PIK3C2G: variants seen among roughly 807,000 people sequenced by gnomAD.
The protein encoded by PIK3C2G is phosphatidylinositol-4-phosphate 3-kinase catalytic subunit type 2 gamma.
PIK3C2G carries 168 observed loss-of-function variants against 181.1 expected under a neutral mutation model. The ratio of observed to expected loss-of-function variants is 0.93; its 90% CI spans 0.82 to 1.05. PIK3C2G has a LOEUF of 1.05. Ranked by LOEUF, PIK3C2G falls within the 50% of genes least tolerant of loss-of-function variation. The probability of loss-of-function intolerance (pLI) is 0.00; values close to 1 mark genes in which losing one functional copy is unlikely to be tolerated. For synonymous variants in PIK3C2G, 573 were observed against 592.2 expected, an observed-to-expected ratio of 0.97 and a Z score of 0.47; for missense variants, 1,869 against 1,732.8, an observed-to-expected ratio of 1.08 and a Z score of -1.40.
chr12:18,697,211 C>T, the PIK3C2G span, among the ~76,000 whole-genome samples: 2 of 151,992 alleles, frequency 1.3e-5, no homozygotes, highest in Non-Finnish European at 2.9e-5. Flanking sequence ...ATTTGCTAAA[C>T]CAACTAGAAT....
At chr12:18,383,107 A>C (rs1942946850) in intron 14 of PIK3C2G, among the ~76,000 whole-genome samples, 1 of 152,236 alleles carries the variant, frequency 6.6e-6, no homozygotes, top group African/African-American at 2.4e-5. Context: ...AAAGATAAAT[A>C]TATCCATGAA....
intron 29 of PIK3C2G, 88 bp downstream of exon 29, chr12:18,567,145 G>C (rs1231063014): frequency 2.9e-6 from 2 of 680,938 alleles, no homozygotes; most frequent in Middle Eastern, 4.0e-4. Context: ...TGTCTGTAAT[G>C]CCAGTACTTT....
chr12:18,683,826 T>C, the PIK3C2G span, among the ~76,000 whole-genome samples: 4 of 151,942 alleles, frequency 2.6e-5, no homozygotes, highest in African/African-American at 9.7e-5. Flanking sequence ...CCACCCATCA[T>C]CATTTCTTTA....
At position 18,594,915 on chromosome 12, in the gene PIK3C2G, T is replaced by C. The variant is rs182438924; in HGVS notation, c.4087+346T>C. On this transcript the variant is annotated intron_variant, in intron 30 of 32. Transcript: ENST00000538779. ...ATTATAATATTATTTCTTTGAAAGG[T>C]GTTTTGAAATACATTTGCACACATT... is the stretch of plus-strand genomic sequence containing the variant. 6.1e-3 allele frequency among the ~76,000 whole-genome samples: 921 copies of C among 152,174 alleles called. 2 individuals are homozygous for C. Among genetic ancestry groups the C allele is most frequent in the Middle Eastern group, 0.01 (3 of 294 alleles).
the PIK3C2G span, among the ~76,000 whole-genome samples, chr12:18,698,262 A>G: frequency 1.3e-5 from 2 of 151,376 alleles, no homozygotes; most frequent in Non-Finnish European, 2.9e-5. Flanking sequence ...ATTCTATTCT[A>G]TTCTATTCTA....
At chr12:18,643,372 C>A (rs1949934576) in intron 32 of PIK3C2G, among the ~76,000 whole-genome samples, 1 of 151,778 alleles carries the variant, frequency 6.6e-6, no homozygotes. Flanking sequence ...ATAGCCAATT[C>A]CGATGAGAAC....
chr12:18,332,470 A>C (rs1938075312), intron 8 of PIK3C2G, among the ~76,000 whole-genome samples: 1 of 151,998 alleles, frequency 6.6e-6, no homozygotes, highest in South Asian at 2.1e-4. Flanking sequence ...CCTCCTCCAC[A>C]TGGCGGCCAA....
intron 23 of PIK3C2G, 125 bp downstream of exon 23, chr12:18,503,542 GTAAT>G (rs1324365429): frequency 1.5e-5 from 9 of 581,356 alleles, no homozygotes; most frequent in African/African-American, 5.8e-5. Flanking sequence ...AATCAGCCCA[GTAAT>G]TAATTAATCA....
intron 5 of PIK3C2G, among the ~76,000 whole-genome samples, chr12:18,303,227 TTCTC>T (rs1285362828): frequency 5.3e-5 from 8 of 150,858 alleles, no homozygotes; most frequent in South Asian, 2.1e-4. Context: ...CTTTCCTTCT[TTCTC>T]TCTTTCTCTC....
At chr12:18,315,850 G>A (rs1950836632) in intron 6 of PIK3C2G, among the ~76,000 whole-genome samples, 1 of 151,826 alleles carries the variant, frequency 6.6e-6, no homozygotes, top group South Asian at 2.1e-4. Context: ...TTGGATGTGT[G>A]TTTCAAGGTA....
At chr12:18,431,116 T>G (rs1291290099) in intron 18 of PIK3C2G, among the ~76,000 whole-genome samples, 1 of 152,176 alleles carries the variant, frequency 6.6e-6, no homozygotes, top group Non-Finnish European at 1.5e-5. Context: ...TATCCCCTAA[T>G]GCCTGAAATT....
At chr12:18,560,920 C>A (rs1274462815) in intron 26 of PIK3C2G, among the ~76,000 whole-genome samples, 1 of 152,126 alleles carries the variant, frequency 6.6e-6, no homozygotes, top group East Asian at 1.9e-4. Flanking sequence ...ATATGGTAAA[C>A]AATTTACTAT....
Position 18,594,580 on chromosome 12 carries a change from T to G in PIK3C2G, c.4087+11T>G, listed in dbSNP as rs745504110. On this transcript the variant is annotated intron_variant, in intron 30 of 32. Transcript: ENST00000538779. ...CACCTGTGTACCTAGGTAAGTAAATTTGTCATTATATTACGTACAGTGATT... is the reference window on the plus strand; with the variant it reads ...CACCTGTGTACCTAGGTAAGTAAATGTGTCATTATATTACGTACAGTGATT... 1.6e-5 allele frequency: 23 copies of G among 1,408,396 alleles called. No individual in the cohort carries two copies. The highest frequency in any genetic ancestry group is 2.2e-5 in the Non-Finnish European group (23 of 1,038,668). The allele number at this position is 1,408,396 out of a possible 1,614,324, so 87.2% of individuals were successfully genotyped here. A position where few individuals can be genotyped will look rare whatever the true frequency, so the allele number is the denominator to read the frequency against.
At chr12:18,448,147 G>T (rs145779536) in intron 18 of PIK3C2G, among the ~76,000 whole-genome samples, 1 of 152,132 alleles carries the variant, frequency 6.6e-6, no homozygotes, top group Non-Finnish European at 1.5e-5. Flanking sequence ...GTGCTTTTTT[G>T]ATTAAAACAT....
chr12:18,539,488 A>G lies in PIK3C2G; in HGVS notation c.3480+1176A>G, dbSNP rs1203149600. ...TTATAAGGCCACTGTCCAATGTAAT[A>G]TCCTCTAGTCACGTTTGTTTATATT... On this transcript the variant is annotated intron_variant, in intron 25 of 32. Coordinates refer to ENST00000538779, the MANE Select transcript of PIK3C2G (RefSeq NM_001288772.2). Among the ~76,000 whole-genome samples, 4 of 151,888 alleles carry G rather than the reference A, an allele frequency of 2.6e-5. No homozygotes were observed. The East Asian group carries it at 7.7e-4, about 29-fold the overall frequency.
chr12:18,590,639 T>C (rs1947030734), intron 29 of PIK3C2G, among the ~76,000 whole-genome samples: 1 of 151,932 alleles, frequency 6.6e-6, no homozygotes. Context: ...TCAGACTATC[T>C]ATTGGTGCAA....
In PIK3C2G at chr12:18,579,335, T is replaced by C. The variant is rs530040313; in HGVS notation, c.4011+12278T>C. Among the ~76,000 whole-genome samples the C allele has an allele frequency of 5.3e-5, 8 of 152,318 alleles. No individual in the cohort carries two copies. In the South Asian group the frequency reaches 1.7e-3, roughly 32 times the overall value. ...ATCGTACAACCTTAACTTGCTAATA[T>C]GAAATATTATTATGTGCCCTTCTAG... On this transcript the variant is annotated intron_variant, in intron 29 of 32. Transcript: ENST00000538779.
At chr12:18,610,360 C>T (rs974065532) in intron 31 of PIK3C2G, among the ~76,000 whole-genome samples, 12 of 152,172 alleles carry the variant, frequency 7.9e-5, no homozygotes, top group African/African-American at 2.4e-4. Context: ...TCTTTGTGCA[C>T]ATAAATCTCT....
chr12:18,697,216 T>C, the PIK3C2G span, among the ~76,000 whole-genome samples: 1 of 152,120 alleles, frequency 6.6e-6, no homozygotes, highest in South Asian at 2.1e-4. Flanking sequence ...CTAAACCAAC[T>C]AGAATAGAAT....
Sources: allele counts gnomAD v4.1 joint callset (sites outside exome capture counted in the v4.1 genomes callset), GRCh38; gene constraint gnomAD v4.1.1; transcripts MANE v1.5; gene names NCBI Gene and HGNC (gene_info 2026-07-23, HGNC 2026-07-21).